Variants in QTRT1 observed in about 807,000 individuals in gnomAD.
QTRT1 encodes the protein TGT, 43-KD subunit.
QTRT1 carries 41 observed loss-of-function variants against 44.0 expected under a neutral mutation model. The ratio of observed to expected loss-of-function variants is 0.93; its 90% CI spans 0.73 to 1.21. The LOEUF (loss-of-function observed/expected upper bound fraction) is 1.21. QTRT1 is among the 50% of genes most tolerant of loss of function. QTRT1 has a pLI of 0.00. For missense variants in QTRT1, 542 were observed against 575.8 expected (o/e 0.94, Z 0.60); for synonymous variants, 226 against 237.1 (o/e 0.95, Z 0.43).
At chr19:10,702,932 G>C (rs182439011) in intron 3 of QTRT1, among the ~76,000 whole-genome samples, 40 of 151,274 alleles carry the variant, frequency 2.6e-4, no homozygotes, top group African/African-American at 9.2e-4. Flanking sequence ...ACCACACCTG[G>C]CTAATTTTGT....
chr19:10,701,876 C>G, intron 1 of QTRT1, 74 bp from the exon 2 acceptor site: 1 of 1,583,454 alleles, frequency 6.3e-7, no homozygotes, highest in Non-Finnish European at 8.7e-7. Flanking sequence ...CTAAAGCTGG[C>G]CAGATCTGTC....
In QTRT1 at chr19:10,712,924, G is replaced by C; in HGVS notation, c.972-29G>C. 1 of 1,612,868 alleles carries C rather than the reference G, an allele frequency of 6.2e-7. No homozygotes were observed. Among genetic ancestry groups the C allele is most frequent in the Non-Finnish European group, 8.5e-7 (1 of 1,179,614 alleles). Reference sequence around the variant, plus strand: ...GGCATGGAGGGGACAGGGCCTGGCCGTGCTGAGCTGTCCCCTGCCGCTCTA... The same window carrying C: ...GGCATGGAGGGGACAGGGCCTGGCCCTGCTGAGCTGTCCCCTGCCGCTCTA... On this transcript the variant is annotated intron_variant, in intron 8 of 9. Coordinates refer to ENST00000250237, the MANE Select transcript of QTRT1 (RefSeq NM_031209.3). The surrounding 1 kb of genome is among the most constrained non-coding windows in gnomAD (Gnocchi z 5.6).
chr19:10,712,236 G>C lies in QTRT1; in HGVS notation c.722G>C (p.Arg241Pro). ...SGGESKSQFW[R>P]MVALSTSRLP... ...GGTGAGAGCAAGTCGCAGTTCTGGCGGATGGTGGCGCTGAGCACCTCTCGG... is the reference window on the plus strand; with the variant it reads ...GGTGAGAGCAAGTCGCAGTTCTGGCCGATGGTGGCGCTGAGCACCTCTCGG... Residue 241 changes from arginine to proline, a missense_variant, in exon 6 of 10, where the codon CGG (arginine) becomes CCG (proline). Transcript: ENST00000250237. The surrounding 1 kb of genome is among the most constrained non-coding windows in gnomAD (Gnocchi z 5.6). 1 of 1,614,128 alleles carries C rather than the reference G, an allele frequency of 6.2e-7. No homozygotes were observed. The highest frequency in any genetic ancestry group is 8.5e-7 in the Non-Finnish European group (1 of 1,180,032).
At position 10,702,265 on chromosome 19, in the gene QTRT1, C is replaced by T. The variant is rs767816801; in HGVS notation, c.451+11C>T. 2 of 1,612,562 alleles carry T rather than the reference C, an allele frequency of 1.2e-6. No homozygotes were observed. Among genetic ancestry groups the T allele is most frequent in the Non-Finnish European group, 1.7e-6 (2 of 1,179,180 alleles). ...TCCAGAATGCGCTGGGTGAGAGGACCCTGGGGAGCCGCCTCCTTACCCTGT... is the reference window on the plus strand; with the variant it reads ...TCCAGAATGCGCTGGGTGAGAGGACTCTGGGGAGCCGCCTCCTTACCCTGT... On this transcript the variant is annotated intron_variant, in intron 3 of 9. Coordinates refer to ENST00000250237, the MANE Select transcript of QTRT1 (RefSeq NM_031209.3).
chr19:10,712,604 C>G lies in QTRT1; in HGVS notation c.837C>G (p.Asp279Glu). The change falls in exon 7 of 10, where the codon GAC becomes GAG. Residue 279 changes from aspartate to glutamate, a missense_variant. Coordinates refer to ENST00000250237, the MANE Select transcript of QTRT1 (RefSeq NM_031209.3). The surrounding 1 kb of genome is among the most constrained non-coding windows in gnomAD (Gnocchi z 5.6). ...VCVALGCDMF[D>E]CVFPTRTARF... ...TGGCTCTTGGATGTGACATGTTCGA[C>G]TGCGTCTTCCCCACACGGACAGCGG... The G allele has an allele frequency of 6.2e-7, 1 of 1,612,040 alleles. No individual in the cohort carries two copies. The highest frequency in any genetic ancestry group is 8.5e-7 in the Non-Finnish European group (1 of 1,179,798).
Position 10,701,981 on chromosome 19 carries a change from T to C in QTRT1, c.275T>C (p.Leu92Pro). Residue 92 changes from leucine (L) to proline (P), a missense_variant, in exon 2 of 10, where the codon CTC (leucine) becomes CCC (proline). Physicochemically the swap from Leu to Pro is moderately conservative, Grantham distance 98. Transcript: ENST00000250237. ...GAGCTGATCCAGAAAGCCAACGGTC[T>C]CCACGGCTTCATGAATTGGCCTCAT... ...GPELIQKANGLHGFMNWPHNL... is the reference protein window; with the variant it reads ...GPELIQKANGPHGFMNWPHNL... 3 of 1,614,204 alleles carry C rather than the reference T, an allele frequency of 1.9e-6. No homozygotes were observed. Among genetic ancestry groups the C allele is most frequent in the Non-Finnish European group, 2.5e-6 (3 of 1,180,014 alleles).
At position 10,713,237 on chromosome 19, in the gene QTRT1, C is replaced by T. The variant is rs375875231; in HGVS notation, c.1179C>T (p.Asp393=). 35 of 1,599,450 alleles carry T rather than the reference C, an allele frequency of 2.2e-5. No individual in the cohort carries two copies. The highest frequency in any genetic ancestry group is 1.0e-4 in the South Asian group (9 of 89,178). The change falls in exon 10 of 10, where the codon GAC becomes GAT. Residue 393 remains aspartate, a synonymous_variant. Transcript: ENST00000250237. This position sits in a 1 kb window ranked among gnomAD's most constrained non-coding sequence, Gnocchi z 4.3. ...DPTLCPTWAT[D]ALASVGITLG is the part of the protein sequence containing the mutation. ...CCCTCTGTCCCACCTGGGCCACTGA[C>T]GCTCTGGCCTCTGTGGGAATCACAC...
intron 5 of QTRT1, 105 bp downstream of exon 5, chr19:10,707,720 G>A (rs912653215): frequency 4.4e-5 from 34 of 777,248 alleles, no homozygotes; most frequent in African/African-American, 6.9e-5. Context: ...AGGGCACTGC[G>A]CTAGAAAAAA....
chr19:10,712,269 A>T lies in QTRT1; in HGVS notation c.755A>T (p.Lys252Met). Residue 252 changes from lysine (K) to methionine (M), a missense_variant, in exon 6 of 10, where the codon AAG becomes ATG. Lys to Met is a moderately conservative substitution (Grantham distance 95, BLOSUM62 -1). Transcript: ENST00000250237. The surrounding 1 kb of genome is among the most constrained non-coding windows in gnomAD (Gnocchi z 5.6). Reference protein sequence around the residue: ...MVALSTSRLPKDKPRYLMGVG... With the variant: ...MVALSTSRLPMDKPRYLMGVG... ...GCGCTGAGCACCTCTCGGCTGCCGA[A>T]GGACAAGCCCCGATATCTGATGGGG... 1 of 1,613,874 alleles carries T rather than the reference A, an allele frequency of 6.2e-7. No individual in the cohort carries two copies. The highest frequency in any genetic ancestry group is 8.5e-7 in the Non-Finnish European group (1 of 1,179,918).
chr19:10,703,477 A>G (rs1385219411), intron 3 of QTRT1, among the ~76,000 whole-genome samples: 2 of 152,106 alleles, frequency 1.3e-5, no homozygotes, highest in East Asian at 3.9e-4. Context: ...TTCTTCTTAG[A>G]TTCATGGCTG....
chr19:10,703,272 G>T (rs527988146), intron 3 of QTRT1, among the ~76,000 whole-genome samples: 160 of 151,564 alleles, frequency 1.1e-3, no homozygotes, highest in African/African-American at 3.8e-3. Context: ...ATGTTGGCAA[G>T]GCTGGTCTCA....
chr19:10,705,018 C>T (rs544279641), intron 3 of QTRT1, among the ~76,000 whole-genome samples: 2 of 150,648 alleles, frequency 1.3e-5, no homozygotes, highest in South Asian at 4.2e-4. Flanking sequence ...CGGGTTTAAG[C>T]TATTCTCCTG....
rs1599397005 is a variant in QTRT1, at chr19:10,712,493, G to A, written c.786-60G>A. The stretch of plus-strand genomic sequence containing the variant: ...CAGTCTGGGGCAGTGTGAGGGTTGG[G>A]AGGGGCCCTGGGAAGCCCCTGAGGT... On this transcript the variant is annotated intron_variant, in intron 6 of 9. Transcript: ENST00000250237. The surrounding 1 kb of genome is among the most constrained non-coding windows in gnomAD (Gnocchi z 5.6). 3.3e-6 allele frequency: 5 copies of A among 1,524,864 alleles called. No homozygotes were observed. Among genetic ancestry groups the A allele is most frequent in the Admixed American group, 3.3e-5 (2 of 59,858 alleles). The allele number at this position is 1,524,864 out of a possible 1,614,324, so 94.5% of individuals were successfully genotyped here. A position where few individuals can be genotyped will look rare whatever the true frequency, so the allele number is the denominator to read the frequency against.
At chr19:10,703,012 G>A (rs185831563) in intron 3 of QTRT1, among the ~76,000 whole-genome samples, 1,616 of 146,776 alleles carry the variant, frequency 0.011, 14 homozygotes, top group Non-Finnish European at 0.019. Context: ...CAGGTGATCC[G>A]CCTGCCTCGG....
At chr19:10,709,030 G>T (rs2068727230) in intron 5 of QTRT1, 2 of 152,266 alleles carry the variant, frequency 1.3e-5, no homozygotes, top group Admixed American at 1.3e-4. Flanking sequence ...CCTCCAGAGT[G>T]CTGGGATTAC....
At chr19:10,702,997 G>GAGCTC (rs1207164874) in intron 3 of QTRT1, among the ~76,000 whole-genome samples, 1 of 150,086 alleles carries the variant, frequency 6.7e-6, no homozygotes, top group African/African-American at 2.5e-5. Flanking sequence ...TCAAACTCCT[G>GAGCTC]AGCTCAGGTG....
At chr19:10,711,950 C>G in intron 5 of QTRT1, 1 of 628,520 alleles carries the variant, frequency 1.6e-6, no homozygotes, top group East Asian at 2.7e-5. Flanking sequence ...AGCAGTAGTC[C>G]CAGCCCCTAG....
At position 10,712,708 on chromosome 19, in the gene QTRT1, A is replaced by C; in HGVS notation, c.862-50A>C. 7 of 1,355,072 alleles carry C rather than the reference A, an allele frequency of 5.2e-6. No homozygotes were observed. The highest frequency in any genetic ancestry group is 7.3e-6 in the Non-Finnish European group (7 of 955,788). The allele number at this position is 1,355,072 out of a possible 1,614,324, so 83.9% of individuals were successfully genotyped here. On this transcript the variant is annotated intron_variant, in intron 7 of 9. Transcript: ENST00000250237. The surrounding 1 kb of genome is among the most constrained non-coding windows in gnomAD (Gnocchi z 5.6). ...GCAAGGTTAGGGGTGGGGGGTGGGGAGAATGAAGCCCTGGGTGACGCCCCT... is the reference window on the plus strand; with the variant it reads ...GCAAGGTTAGGGGTGGGGGGTGGGGCGAATGAAGCCCTGGGTGACGCCCCT...
At chr19:10,708,795 C>T (rs1042920235) in intron 5 of QTRT1, among the ~76,000 whole-genome samples, 3 of 126,870 alleles carry the variant, frequency 2.4e-5, no homozygotes, top group South Asian at 2.5e-4. Flanking sequence ...GACGGAGTTT[C>T]GCTCTTGTTG....
Sources: allele counts gnomAD v4.1 joint callset (sites outside exome capture counted in the v4.1 genomes callset), GRCh38; gene constraint gnomAD v4.1.1; non-coding constraint Gnocchi (gnomAD v3.1); transcripts MANE v1.5; gene names NCBI Gene and HGNC (gene_info 2026-07-23, HGNC 2026-07-21).